STK3: variants seen among roughly 807,000 people sequenced by gnomAD.
STK3 encodes the protein serine/threonine kinase 3, also known as serine/threonine-protein kinase 3.
In STK3, 41 loss-of-function variants were observed where a neutral mutation model predicts 58.0. The ratio of observed to expected loss-of-function variants is 0.71; its 90% CI spans 0.55 to 0.92. STK3 has a LOEUF of 0.92. Among genes scored for constraint, STK3 ranks in the 40% least tolerant of loss-of-function variants. The pLI, the probability that STK3 is intolerant of heterozygous loss-of-function variation, is 0.00. For missense variants in STK3, 479 were observed against 602.7 expected, an observed-to-expected ratio of 0.79 and a Z score of 2.15; for synonymous variants, 170 against 191.0, an observed-to-expected ratio of 0.89 and a Z score of 0.91.
intron 1 of STK3, among the ~76,000 whole-genome samples, chr8:98,446,121 C>T (rs1586582764): frequency 6.6e-6 from 1 of 152,216 alleles, no homozygotes; most frequent in Non-Finnish European, 1.5e-5. Flanking sequence ...TTTATATATG[C>T]TTTGCCCTCC....
At chr8:98,668,847 G>A (rs143990556) in intron 6 of STK3, among the ~76,000 whole-genome samples, 5 of 152,184 alleles carry the variant, frequency 3.3e-5, no homozygotes, top group African/African-American at 9.6e-5. Flanking sequence ...ATCAAAAAAA[G>A]ATGAGTCAAT....
chr8:98,893,484 A>AAG (rs10584856), intron 1 of STK3, among the ~76,000 whole-genome samples: 31 of 43,614 alleles, frequency 7.1e-4, no homozygotes, highest in African/African-American at 2.9e-3. Context: ...GAAAGAAAGA[A>AAG]AGAGAAAGAA....
At chr8:98,461,983 A>C (rs74456126) in intron 10 of STK3, among the ~76,000 whole-genome samples, 3,067 of 151,416 alleles carry the variant, frequency 0.02, 50 homozygotes, top group Non-Finnish European at 0.028. Context: ...TTGTGGGTGC[A>C]TACCGGGTAC....
intron 3 of STK3, among the ~76,000 whole-genome samples, chr8:98,395,622 C>T (rs749378181): frequency 2.6e-5 from 4 of 152,210 alleles, no homozygotes; most frequent in Non-Finnish European, 5.9e-5. Flanking sequence ...GTGTTTGAGA[C>T]ACAATCCCTG....
intron 4 of STK3, among the ~76,000 whole-genome samples, chr8:98,711,238 C>A (rs1826404761): frequency 6.6e-6 from 1 of 151,988 alleles, no homozygotes; most frequent in African/African-American, 2.4e-5. Context: ...CTCTCCTCCT[C>A]CAAAGGAACA....
intron 2 of STK3, among the ~76,000 whole-genome samples, chr8:98,376,369 GT>G (rs1048572569): frequency 2.4e-4 from 36 of 152,262 alleles, no homozygotes; most frequent in African/African-American, 8.7e-4. Flanking sequence ...CTAGTCTGTA[GT>G]TTGGCTTTTT....
intron 6 of STK3, among the ~76,000 whole-genome samples, chr8:98,614,561 C>T (rs910850863): frequency 6.6e-6 from 1 of 152,076 alleles, no homozygotes; most frequent in Non-Finnish European, 1.5e-5. Context: ...GTTCATCTCA[C>T]TAGGGAGTGC....
At chr8:98,626,361 G>A (rs963591328) in intron 6 of STK3, among the ~76,000 whole-genome samples, 1 of 152,130 alleles carries the variant, frequency 6.6e-6, no homozygotes, top group Admixed American at 6.5e-5. Context: ...AGAAAACTTC[G>A]GCCCACATGC....
chr8:98,483,042 T>TA (rs1483344349), intron 10 of STK3, among the ~76,000 whole-genome samples: 1 of 152,122 alleles, frequency 6.6e-6, no homozygotes, highest in Non-Finnish European at 1.5e-5. Flanking sequence ...AATAGACAGA[T>TA]AAGGGAGAAG....
At chr8:98,679,075 C>T (rs1003942103) in intron 6 of STK3, among the ~76,000 whole-genome samples, 1 of 152,158 alleles carries the variant, frequency 6.6e-6, no homozygotes, top group Admixed American at 6.5e-5. Flanking sequence ...CAACTACTCA[C>T]TATTTTCACT....
chr8:98,406,333 G>A (rs1196546671), intron 3 of STK3, among the ~76,000 whole-genome samples: 1 of 151,400 alleles, frequency 6.6e-6, no homozygotes, highest in Non-Finnish European at 1.5e-5. Context: ...GGGGGTACAC[G>A]TGCCGGTGTG....
chr8:98,420,277 C>T (rs1818156929), intron 3 of STK3, among the ~76,000 whole-genome samples: 1 of 152,166 alleles, frequency 6.6e-6, no homozygotes, highest in South Asian at 2.1e-4. Context: ...CACTTAGCAG[C>T]CACACTGGTT....
At chr8:98,596,839 G>A (rs1312984691) in intron 6 of STK3, among the ~76,000 whole-genome samples, 2 of 151,772 alleles carry the variant, frequency 1.3e-5, no homozygotes, top group Non-Finnish European at 2.9e-5. Context: ...ACCCTGGCCT[G>A]TTTTTGCTTT....
At chr8:98,721,822 C>T (rs1827450852) in intron 4 of STK3, among the ~76,000 whole-genome samples, 1 of 151,992 alleles carries the variant, frequency 6.6e-6, no homozygotes, top group Admixed American at 6.5e-5. Context: ...AGAATGTAAA[C>T]CAGAGTGTAA....
chr8:98,711,775 T>C (rs994260975), intron 4 of STK3, among the ~76,000 whole-genome samples: 7 of 152,018 alleles, frequency 4.6e-5, no homozygotes, highest in African/African-American at 9.7e-5. Context: ...ATTCAGGAAA[T>C]ACAGAGAACG....
rs1386841304 is a variant in STK3 at position 98,624,018 on chromosome 8, T to C, written c.685-27849A>G. Among the ~76,000 whole-genome samples the C allele has an allele frequency of 2.0e-5, 3 of 152,212 alleles. No individual in the cohort carries two copies. The East Asian group carries it at 5.8e-4, about 29-fold the overall frequency. Reference sequence around the variant, plus strand: ...AAGTTAGACGGAGGGACAGAAACAGTGAACTGCTAATAGTCTCCAGTTTTT... The same window carrying C: ...AAGTTAGACGGAGGGACAGAAACAGCGAACTGCTAATAGTCTCCAGTTTTT... On this transcript the variant is annotated intron_variant, in intron 6 of 10. Transcript: ENST00000419617.
intron 3 of STK3, among the ~76,000 whole-genome samples, chr8:98,876,804 C>T (rs568567706): frequency 1.3e-5 from 2 of 152,332 alleles, no homozygotes; most frequent in East Asian, 3.9e-4. Flanking sequence ...ATGTGACTAA[C>T]AGCAGCAACC....
At chr8:98,746,542 G>T (rs993690537) in intron 4 of STK3, among the ~76,000 whole-genome samples, 2 of 151,872 alleles carry the variant, frequency 1.3e-5, no homozygotes, top group African/African-American at 4.8e-5. Flanking sequence ...GAGCCCAGGA[G>T]GCCGGGGCTA....
In STK3 at chr8:98,883,908, T is replaced by C. The variant is rs137883899; in HGVS notation, c.-78-74A>G. ...AGGGGCAGTCACATACAAATAGGGT[T>C]GCCGGGGATGACTTCAGCATGTTGG... On this transcript the variant is annotated intron_variant, in intron 1 of 1. Coordinates refer to the STK3 transcript ENST00000519420. 1,385 of 553,610 alleles carry C rather than the reference T, an allele frequency of 2.5e-3. 10 individuals are homozygous for C. Among genetic ancestry groups the C allele is most frequent in the African/African-American group, 0.023 (1,248 of 53,432 alleles). 34.3% of individuals were successfully genotyped at this position (553,610 alleles called of 1,614,324 possible). A position where few individuals can be genotyped will look rare whatever the true frequency, so the allele number is the denominator to read the frequency against.
Sources: allele counts gnomAD v4.1 joint callset (sites outside exome capture counted in the v4.1 genomes callset), GRCh38; gene constraint gnomAD v4.1.1; transcripts MANE v1.5; gene names NCBI Gene and HGNC (gene_info 2026-07-23, HGNC 2026-07-21).